Variants in DCC observed in about 807,000 individuals in gnomAD.
DCC encodes the protein netrin receptor DCC.
Under a neutral mutation model 172.5 loss-of-function variants are expected in DCC, and 58 were observed. The observed-to-expected ratio is 0.34, with a 90% CI of 0.27 to 0.42. DCC has a LOEUF of 0.42. Among genes scored for constraint, DCC ranks in the 10% least tolerant of loss-of-function variants. DCC has a pLI of 1.00. For synonymous variants in DCC, 709 were observed against 644.5 expected, an observed-to-expected ratio of 1.10 and a Z score of -1.52; for missense variants, 1,740 against 1,791.0, an observed-to-expected ratio of 0.97 and a Z score of 0.51.
intron 5 of DCC, among the ~76,000 whole-genome samples, chr18:53,013,627 G>A (rs530650189): frequency 4.8e-4 from 73 of 151,360 alleles, no homozygotes; most frequent in African/African-American, 1.7e-3. Context: ...GTTGATAGGT[G>A]CAGCAAACCA....
At chr18:53,071,274 A>G (rs1228507132) in intron 7 of DCC, among the ~76,000 whole-genome samples, 1 of 152,216 alleles carries the variant, frequency 6.6e-6, no homozygotes, top group Non-Finnish European at 1.5e-5. Flanking sequence ...AATCTGCTGA[A>G]TTAAATTGAG....
At chr18:53,137,202 G>T (rs1469469160) in intron 7 of DCC, among the ~76,000 whole-genome samples, 2 of 152,192 alleles carry the variant, frequency 1.3e-5, no homozygotes, top group Non-Finnish European at 2.9e-5. Flanking sequence ...GCACAGCTTT[G>T]CTGAATTTGA....
At chr18:53,027,557 C>T (rs907998121) in intron 5 of DCC, among the ~76,000 whole-genome samples, 5 of 152,106 alleles carry the variant, frequency 3.3e-5, no homozygotes, top group Admixed American at 3.3e-4. Flanking sequence ...GCTTCAGGTC[C>T]TCTGTAGGAG....
At chr18:53,412,964 A>G (rs1910075673) in intron 20 of DCC, among the ~76,000 whole-genome samples, 1 of 152,266 alleles carries the variant, frequency 6.6e-6, no homozygotes, top group African/African-American at 2.4e-5. Flanking sequence ...TTACTTGACC[A>G]CATAGGAACC....
intron 1 of DCC, among the ~76,000 whole-genome samples, chr18:52,678,311 C>T (rs969251138): frequency 1.3e-5 from 2 of 152,142 alleles, no homozygotes; most frequent in Non-Finnish European, 2.9e-5. Flanking sequence ...ATAATCATTT[C>T]TTCAGCTTAG....
intron 1 of DCC, among the ~76,000 whole-genome samples, chr18:52,722,280 C>G (rs1358392375): frequency 6.6e-6 from 1 of 152,094 alleles, no homozygotes; most frequent in Admixed American, 6.6e-5. Flanking sequence ...TTATATTGTT[C>G]CTTTTTAAAC....
At chr18:52,861,804 G>T (rs2039146783) in intron 2 of DCC, among the ~76,000 whole-genome samples, 1 of 152,102 alleles carries the variant, frequency 6.6e-6, no homozygotes, top group Admixed American at 6.5e-5. Flanking sequence ...CTAATGACAA[G>T]ATCTCCAAAG....
At chr18:52,475,907 A>G (rs927030135) in intron 1 of DCC, among the ~76,000 whole-genome samples, 1 of 152,198 alleles carries the variant, frequency 6.6e-6, no homozygotes, top group Non-Finnish European at 1.5e-5. Context: ...ACTCTAGTCC[A>G]TCTTCTTCAC....
intron 1 of DCC, among the ~76,000 whole-genome samples, chr18:52,457,525 G>T (rs546767267): frequency 6.6e-6 from 1 of 152,100 alleles, no homozygotes; most frequent in Admixed American, 6.6e-5. Context: ...TTATTTTGTT[G>T]TCTTTAATTC....
intron 9 of DCC, among the ~76,000 whole-genome samples, chr18:53,189,048 G>T (rs1054482850): frequency 6.6e-6 from 1 of 152,050 alleles, no homozygotes; most frequent in Non-Finnish European, 1.5e-5. Flanking sequence ...TATTCAACCC[G>T]ATATACTGCC....
chr18:52,863,779 A>G (rs1030864318), intron 2 of DCC, among the ~76,000 whole-genome samples: 3 of 152,014 alleles, frequency 2.0e-5, no homozygotes, highest in Non-Finnish European at 4.4e-5. Context: ...AAATCTAGCC[A>G]TCATCTCAAA....
At chr18:53,339,270 A>G (rs2057627495) in intron 14 of DCC, among the ~76,000 whole-genome samples, 1 of 152,254 alleles carries the variant, frequency 6.6e-6, no homozygotes, top group Non-Finnish European at 1.5e-5. Flanking sequence ...CCTGACAATT[A>G]CATAAGAAAG....
At chr18:53,066,017 A>G (rs758683414) in intron 6 of DCC, 29 bp from the exon 7 acceptor site, 23 of 1,611,466 alleles carry the variant, frequency 1.4e-5, no homozygotes, top group Admixed American at 3.3e-5. Context: ...GCTTTCTAAA[A>G]TACTTTACCT....
intron 1 of DCC, among the ~76,000 whole-genome samples, chr18:52,488,568 A>T (rs562573680): frequency 6.6e-6 from 1 of 152,082 alleles, no homozygotes; most frequent in East Asian, 1.9e-4. Context: ...CTGCTTTGTC[A>T]TTTCTCTAGA....
intron 1 of DCC, among the ~76,000 whole-genome samples, chr18:52,573,441 A>G (rs560381888): frequency 2.0e-5 from 3 of 152,354 alleles, no homozygotes; most frequent in South Asian, 2.1e-4. Flanking sequence ...AACAATAAGT[A>G]GCATTTACTT....
At chr18:53,051,997 C>CT (rs199802632) in intron 5 of DCC, among the ~76,000 whole-genome samples, 83 of 151,172 alleles carry the variant, frequency 5.5e-4, no homozygotes, top group African/African-American at 1.4e-3. Flanking sequence ...TCTTTGTACT[C>CT]TTTTTTTTTG....
chr18:52,814,287 C>T (rs1174082707), intron 2 of DCC, among the ~76,000 whole-genome samples: 1 of 152,134 alleles, frequency 6.6e-6, no homozygotes, highest in African/African-American at 2.4e-5. Flanking sequence ...TGGGATAGGG[C>T]CTATACATAG....
intron 13 of DCC, among the ~76,000 whole-genome samples, chr18:53,318,275 A>T (rs1011233867): frequency 6.6e-6 from 1 of 152,090 alleles, no homozygotes; most frequent in Non-Finnish European, 1.5e-5. Flanking sequence ...TTCAGTTTCC[A>T]TGTAGTTGTG....
chr18:52,376,654 T>A (rs1985362220), intron 1 of DCC, among the ~76,000 whole-genome samples: 1 of 152,132 alleles, frequency 6.6e-6, no homozygotes, highest in Non-Finnish European at 1.5e-5. Context: ...CATTTATTTG[T>A]TTATTTGGGG....
Sources: gnomAD v4.1 joint callset for allele counts (sites outside exome capture counted in the v4.1 genomes callset) on GRCh38, gnomAD v4.1.1 for gene constraint, MANE v1.5 for transcripts, NCBI Gene and HGNC (gene_info 2026-07-23, HGNC 2026-07-21) for gene names.